Variants in BNC2 observed in about 807,000 individuals in gnomAD.
The protein encoded by BNC2 is zinc finger protein basonuclin-2.
A neutral mutation model predicts 76.3 loss-of-function variants in BNC2; 20 were observed. That is an observed-to-expected ratio of 0.26 (90% CI 0.18 to 0.38). BNC2 has a LOEUF of 0.38. Among genes scored for constraint, BNC2 ranks in the 10% least tolerant of loss-of-function variants. The probability of loss-of-function intolerance (pLI) is 1.00; values close to 1 mark genes in which losing one functional copy is unlikely to be tolerated. For missense variants in BNC2, 1,382 were observed against 1,399.8 expected, an observed-to-expected ratio of 0.99 and a Z score of 0.20; for synonymous variants, 582 against 514.8, an observed-to-expected ratio of 1.13 and a Z score of -1.77.
intron 1 of BNC2, among the ~76,000 whole-genome samples, chr9:16,794,546 G>C (rs528945072): frequency 9.6e-4 from 146 of 152,212 alleles, no homozygotes; most frequent in African/African-American, 3.3e-3. Flanking sequence ...TTTTTGTAAA[G>C]ATGCACTATA....
intron 1 of BNC2, among the ~76,000 whole-genome samples, chr9:16,816,196 G>A (rs1049249578): frequency 6.6e-6 from 1 of 152,032 alleles, no homozygotes; most frequent in South Asian, 2.1e-4. Flanking sequence ...CATTGTTCTG[G>A]CCAAGTAAAG....
chr9:16,481,375 G>A (rs550569244), intron 5 of BNC2, among the ~76,000 whole-genome samples: 7 of 152,164 alleles, frequency 4.6e-5, no homozygotes, highest in Admixed American at 4.6e-4. Context: ...AATAAATCTT[G>A]CTACTGCTCA....
intron 4 of BNC2, among the ~76,000 whole-genome samples, chr9:16,573,110 C>T (rs1292241529): frequency 5.3e-5 from 8 of 151,510 alleles, no homozygotes; most frequent in Admixed American, 5.3e-4. Flanking sequence ...CACCTGTGGT[C>T]CCAGCTACTC....
chr9:16,563,677 G>A (rs937534803), intron 4 of BNC2, among the ~76,000 whole-genome samples: 12 of 152,290 alleles, frequency 7.9e-5, no homozygotes, highest in Admixed American at 2.0e-4. Context: ...CTAGTCCCAT[G>A]TATTCATGTG....
intron 1 of BNC2, among the ~76,000 whole-genome samples, chr9:16,826,517 A>C (rs1229672666): frequency 6.6e-6 from 1 of 152,194 alleles, no homozygotes; most frequent in East Asian, 1.9e-4. Flanking sequence ...CTGCTTGATT[A>C]AATTAAGCTG....
At chr9:16,539,763 G>A (rs868383762) in intron 5 of BNC2, among the ~76,000 whole-genome samples, 1 of 82,714 alleles carries the variant, frequency 1.2e-5, no homozygotes, top group Admixed American at 1.3e-4. Context: ...GGAAAGGAAA[G>A]GAAAAGAAAG....
At chr9:16,495,911 C>CTT (rs61004769) in intron 5 of BNC2, among the ~76,000 whole-genome samples, 4 of 142,902 alleles carry the variant, frequency 2.8e-5, no homozygotes, top group Middle Eastern at 7.4e-3. Flanking sequence ...TTTTCTTTTT[C>CTT]TTTTTTTTTT....
At chr9:16,661,409 A>G (rs988957619) in intron 3 of BNC2, among the ~76,000 whole-genome samples, 1 of 152,206 alleles carries the variant, frequency 6.6e-6, no homozygotes, top group African/African-American at 2.4e-5. Context: ...ACTGACTTCA[A>G]TAGTATATGG....
chr9:16,434,721 C>G (rs1342717122), intron 6 of BNC2: 1 of 415,932 alleles, frequency 2.4e-6, no homozygotes, highest in Non-Finnish European at 4.8e-6. Context: ...TCTGCTTAAG[C>G]CCAACTGTTT....
chr9:16,462,108 T>G (rs1821595907), intron 5 of BNC2, among the ~76,000 whole-genome samples: 1 of 152,180 alleles, frequency 6.6e-6, no homozygotes, highest in Non-Finnish European at 1.5e-5. Flanking sequence ...GTCTATGGAT[T>G]GCTTTTTCCT....
chr9:16,691,761 G>A (rs1426796752), intron 3 of BNC2, among the ~76,000 whole-genome samples: 2 of 150,350 alleles, frequency 1.3e-5, no homozygotes, highest in Non-Finnish European at 2.9e-5. Context: ...TGCCCGCCTC[G>A]GCCTCCCACA....
chr9:16,727,667 G>C, intron 3 of BNC2, 130 bp downstream of exon 3: 1 of 755,412 alleles, frequency 1.3e-6, no homozygotes, highest in South Asian at 1.9e-5. Flanking sequence ...GACAAAACAA[G>C]AGCCTAACTA....
intron 4 of BNC2, among the ~76,000 whole-genome samples, chr9:16,572,521 G>A (rs1393161305): frequency 6.6e-6 from 1 of 152,192 alleles, no homozygotes; most frequent in African/African-American, 2.4e-5. Context: ...GTATGTTCCA[G>A]CACACAAAGG....
In BNC2 at chr9:16,485,332, T is replaced by A. The variant is rs78201529; in HGVS notation, c.670-47808A>T. ...ACTAACTTGGGCTTTCATCCTGCTCTGATTAAGTCTCTTGTAGCCCAGTTT... is the reference window on the plus strand; with the variant it reads ...ACTAACTTGGGCTTTCATCCTGCTCAGATTAAGTCTCTTGTAGCCCAGTTT... On this transcript the variant is annotated intron_variant, in intron 5 of 6. Transcript: ENST00000380672. Among the ~76,000 whole-genome samples the A allele has an allele frequency of 4.4e-3, 672 of 152,342 alleles. 4 individuals are homozygous for A. Among genetic ancestry groups the A allele is most frequent in the Non-Finnish European group, 7.1e-3 (485 of 68,034 alleles).
chr9:16,589,123 C>CA (rs1433023437), intron 3 of BNC2, among the ~76,000 whole-genome samples: 1 of 152,156 alleles, frequency 6.6e-6, no homozygotes, highest in Admixed American at 6.6e-5. Flanking sequence ...CAACTATTCA[C>CA]AAGGAGCTCC....
At chr9:16,813,538 T>G (rs938446077) in intron 1 of BNC2, among the ~76,000 whole-genome samples, 2 of 152,094 alleles carry the variant, frequency 1.3e-5, no homozygotes, top group African/African-American at 4.8e-5. Flanking sequence ...GTGCCGGGAT[T>G]ACAGGCGTGA....
rs139216576 is a variant in BNC2, at chr9:16,795,323, C to T, written c.4-56838G>A. Among the ~76,000 whole-genome samples, 145 of 151,276 alleles carry T rather than the reference C, an allele frequency of 9.6e-4. No homozygotes were observed. In the Middle Eastern group the frequency reaches 0.01, roughly 11 times the overall value. On this transcript the variant is annotated intron_variant, in intron 1 of 6. Transcript: ENST00000380672. ...ACAGTCCAGAGACGCCCAATCTGCA[C>T]GCCTCTACACACAACAGAACTGACA...
chr9:16,742,154 T>C (rs1824870146), intron 1 of BNC2, among the ~76,000 whole-genome samples: 1 of 152,324 alleles, frequency 6.6e-6, no homozygotes, highest in Admixed American at 6.5e-5. Context: ...GTGTTTAGTA[T>C]GTAGTGGTCT....
At chr9:16,777,371 G>C (rs781259590) in intron 1 of BNC2, among the ~76,000 whole-genome samples, 30 of 151,934 alleles carry the variant, frequency 2.0e-4, no homozygotes, top group Non-Finnish European at 3.7e-4. Context: ...AATTTGAATT[G>C]AATTTATCAT....
Sources: allele counts gnomAD v4.1 joint callset (sites outside exome capture counted in the v4.1 genomes callset), GRCh38; gene constraint gnomAD v4.1.1; transcripts MANE v1.5; gene names NCBI Gene and HGNC (gene_info 2026-07-23, HGNC 2026-07-21).